The following SLFN12 variants were observed in gnomAD, a reference collection of about 807,000 sequenced individuals.
The protein encoded by SLFN12 is ribonuclease SLFN12.
SLFN12 carries 25 observed loss-of-function variants against 29.1 expected under a neutral mutation model. The ratio of observed to expected loss-of-function variants is 0.86; its 90% confidence interval spans 0.63 to 1.20. The LOEUF (loss-of-function observed/expected upper bound fraction) is 1.20. Ranked by LOEUF, SLFN12 falls within the 50% of genes most tolerant of loss-of-function variation. The pLI, the probability that SLFN12 is intolerant of heterozygous loss-of-function variation, is 0.00. For synonymous variants in SLFN12, 257 were observed against 238.7 expected (o/e 1.08, Z -0.71); for missense variants, 660 against 666.2 (o/e 0.99, Z 0.10).
intron 3 of SLFN12, among the ~76,000 whole-genome samples, chr17:35,412,608 C>T (rs185983867): frequency 2.2e-4 from 34 of 152,220 alleles, no homozygotes; most frequent in South Asian, 1.7e-3. Context: ...ATGGGTGGTA[C>T]TCTAACTACC....
At chr17:35,417,497 A>C (rs1048977523) in intron 3 of SLFN12, among the ~76,000 whole-genome samples, 3 of 152,066 alleles carry the variant, frequency 2.0e-5, no homozygotes, top group Admixed American at 6.6e-5. Context: ...TGCACAATGC[A>C]CAGGTTTGTT....
chr17:35,412,402 G>T (rs1362590148), intron 3 of SLFN12, among the ~76,000 whole-genome samples: 1 of 152,068 alleles, frequency 6.6e-6, no homozygotes, highest in Non-Finnish European at 1.5e-5. Flanking sequence ...GGAGACTAAA[G>T]AGCTGAATGT....
Position 35,420,331 on chromosome 17 carries a change from G to A in SLFN12, c.1090C>T (p.Pro364Ser). The change falls in exon 3 of 4, where the codon CCT (proline) becomes TCT (serine). Residue 364 changes from proline to serine, a missense_variant. Transcript: ENST00000304905. Reference protein sequence around the residue: ...EVISQINTSLPAPHSWPLLEW... With the variant: ...EVISQINTSLSAPHSWPLLEW... ...AAAAGAGGCCAACTGTGGGGAGCAG[G>A]TAATGACGTATTTATTTGAGAGATC... The A allele has an allele frequency of 6.2e-7, 1 of 1,613,842 alleles. No individual in the cohort carries two copies. Among genetic ancestry groups the A allele is most frequent in the Non-Finnish European group, 8.5e-7 (1 of 1,179,862 alleles).
chr17:35,425,044 T>C (rs1051595817), intron 1 of SLFN12, among the ~76,000 whole-genome samples: 8 of 151,936 alleles, frequency 5.3e-5, no homozygotes, highest in African/African-American at 9.7e-5. Context: ...TCCAAGCAGT[T>C]TGGGAGACTG....
At position 35,422,206 on chromosome 17, in the gene SLFN12, G is replaced by A. The variant is rs1477392722; in HGVS notation, c.823C>T (p.His275Tyr). 1 of 1,614,116 alleles carries A rather than the reference G, an allele frequency of 6.2e-7. No individual in the cohort carries two copies. The highest frequency in any genetic ancestry group is 1.6e-4 in the Middle Eastern group (1 of 6,062). Residue 275 changes from histidine to tyrosine, a missense_variant, in exon 2 of 4, where the codon CAC (histidine) becomes TAC (tyrosine). Physicochemically the swap from His to Tyr is moderately conservative, Grantham distance 83. Transcript: ENST00000304905. ...EKSIRKMPVH[H>Y]FCMEKKKINY... ...ATCTTCTTCTTCTCCATACAGAAGT[G>A]ATGCACAGGCATCTTCCTAATGGAC...
intron 3 of SLFN12, among the ~76,000 whole-genome samples, chr17:35,417,403 G>T (rs1911376255): frequency 6.6e-6 from 1 of 152,008 alleles, no homozygotes; most frequent in South Asian, 2.1e-4. Flanking sequence ...AACTTCCTTA[G>T]CCTGATAATG....
intron 1 of SLFN12, among the ~76,000 whole-genome samples, chr17:35,429,704 A>C (rs1912201339): frequency 6.6e-6 from 1 of 152,054 alleles, no homozygotes; most frequent in Admixed American, 6.5e-5. Context: ...CCTGGGAAAC[A>C]AAAATCATGC....
At position 35,420,083 on chromosome 17, in the gene SLFN12, T is replaced by C. The variant is rs191160447; in HGVS notation, c.1147+191A>G. On this transcript the variant is annotated intron_variant, in intron 3 of 3. Coordinates refer to ENST00000304905, the MANE Select transcript of SLFN12 (RefSeq NM_018042.5). ...TACTTTCAAGTAAACGAGTTTGTAT[T>C]GCACCAAGAAAATTCTAACCCAAAT... 1.5e-4 allele frequency among the ~76,000 whole-genome samples: 23 copies of C among 152,288 alleles called. No homozygotes were observed. In the East Asian group the frequency reaches 3.9e-3, roughly 26 times the overall value.
intron 1 of SLFN12, among the ~76,000 whole-genome samples, chr17:35,426,360 A>G (rs1022954252): frequency 6.6e-6 from 1 of 152,202 alleles, no homozygotes; most frequent in South Asian, 2.1e-4. Context: ...GACATCCAAA[A>G]CATCACTGCC....
chr17:35,411,630 G>A lies in SLFN12; in HGVS notation c.1445C>T (p.Ala482Val). Reference protein sequence around the residue: ...QTALTLKQKLAKIGGYTKKVC... With the variant: ...QTALTLKQKLVKIGGYTKKVC... Reference sequence around the variant, plus strand: ...TTTTTTAGTGTAACCACCAATTTTTGCCAGCTTCTGCTTTAAGGTTAGGGC... The same window carrying A: ...TTTTTTAGTGTAACCACCAATTTTTACCAGCTTCTGCTTTAAGGTTAGGGC... Residue 482 changes from alanine (A) to valine (V), a missense_variant, in exon 4 of 4, where the codon GCA (alanine) becomes GTA (valine). Ala to Val is a moderately conservative substitution (Grantham distance 64, BLOSUM62 0). Transcript: ENST00000304905. 6.2e-7 allele frequency: 1 copy of A among 1,613,974 alleles called. No individual in the cohort carries two copies. Among genetic ancestry groups the A allele is most frequent in the Non-Finnish European group, 8.5e-7 (1 of 1,179,986 alleles).
intron 2 of SLFN12, among the ~76,000 whole-genome samples, chr17:35,421,321 G>T (rs1324910178): frequency 6.6e-6 from 1 of 151,588 alleles, no homozygotes; most frequent in African/African-American, 2.4e-5. Context: ...CTGAAAGAAA[G>T]CAATGGTTAC....
In SLFN12 at chr17:35,411,182, T is replaced by C. The variant is rs901719375; in HGVS notation, c.*156A>G. On this transcript the variant is annotated 3_prime_UTR_variant, in exon 4 of 4. Transcript: ENST00000304905. ...ATCCCTCAAACAATATCTGTGAAGA[T>C]TATTTAGGGAGAAGTGAAAATAGAC... The C allele has an allele frequency of 7.2e-6, 4 of 557,576 alleles. No individual in the cohort carries two copies. The highest frequency in any genetic ancestry group is 9.3e-6 in the Non-Finnish European group (3 of 323,726). The allele number at this position is 557,576 out of a possible 1,614,324, so 34.5% of individuals were successfully genotyped here.
At chr17:35,427,000 C>T (rs1279667148) in intron 1 of SLFN12, among the ~76,000 whole-genome samples, 1 of 152,104 alleles carries the variant, frequency 6.6e-6, no homozygotes, top group East Asian at 1.9e-4. Flanking sequence ...CTTTCCTGAG[C>T]AGTGGCTGTC....
At chr17:35,430,529 C>G (rs145828178) in intron 1 of SLFN12, 1 of 152,180 alleles carries the variant, frequency 6.6e-6, no homozygotes, top group East Asian at 1.9e-4. Context: ...TCCTCATGGT[C>G]GCATATTTGT....
At position 35,411,577 on chromosome 17, in the gene SLFN12, A is replaced by G; in HGVS notation, c.1498T>C (p.Leu500=). The G allele has an allele frequency of 6.2e-7, 1 of 1,614,098 alleles. No individual in the cohort carries two copies. The highest frequency in any genetic ancestry group is 8.5e-7 in the Non-Finnish European group (1 of 1,180,000). Residue 500 remains leucine, a synonymous_variant, in exon 4 of 4, where the codon TTG becomes CTG. Coordinates refer to ENST00000304905, the MANE Select transcript of SLFN12 (RefSeq NM_018042.5). ...KVCVMTKIFY[L]SPEGMTSCQY... is the part of the protein sequence containing the mutation. ...CAGCTTGTCATGCCTTCAGGGCTCA[A>G]GTAGAAGATCTTTGTCATGACACAC...
chr17:35,411,598 C>G lies in SLFN12; in HGVS notation c.1477G>C (p.Val493Leu), dbSNP rs767348835. Residue 493 changes from valine to leucine, a missense_variant, in exon 4 of 4, where the codon GTC becomes CTC. By Grantham distance (32) the Val-to-Leu change is conservative. Transcript: ENST00000304905. ...KIGGYTKKVC[V>L]MTKIFYLSPE... ...CTCAAGTAGAAGATCTTTGTCATGA[C>G]ACACACTTTTTTAGTGTAACCACCA... is the stretch of plus-strand genomic sequence containing the variant. The G allele has an allele frequency of 5.6e-6, 9 of 1,614,068 alleles. No homozygotes were observed. Among genetic ancestry groups the G allele is most frequent in the Non-Finnish European group, 7.6e-6 (9 of 1,180,004 alleles).
In SLFN12 at chr17:35,422,755, C is replaced by T; in HGVS notation, c.274G>A (p.Glu92Lys). 6.2e-7 allele frequency: 1 copy of T among 1,614,010 alleles called. No homozygotes were observed. The highest frequency in any genetic ancestry group is 8.5e-7 in the Non-Finnish European group (1 of 1,179,916). ...SFSNILLFVP[E>K]YLDFMQNGNY... is the part of the protein sequence containing the mutation. ...CCATTCTGCATGAAGTCTAAGTACT[C>T]AGGAACAAATAACAGAATGTTACTA... The change falls in exon 2 of 4, where the codon GAG (glutamate) becomes AAG (lysine). Residue 92 changes from glutamate (E) to lysine (K), a missense_variant. By Grantham distance (56) the Glu-to-Lys change is moderately conservative. Coordinates refer to ENST00000304905, the MANE Select transcript of SLFN12 (RefSeq NM_018042.5).
chr17:35,423,294 T>C (rs1047572713), intron 1 of SLFN12, among the ~76,000 whole-genome samples: 6 of 152,176 alleles, frequency 3.9e-5, no homozygotes, highest in Non-Finnish European at 7.4e-5. Flanking sequence ...ATTCTAATTA[T>C]GTAATCTCTT....
At chr17:35,413,520 G>A (rs1231611265) in intron 3 of SLFN12, among the ~76,000 whole-genome samples, 1 of 152,048 alleles carries the variant, frequency 6.6e-6, no homozygotes, top group African/African-American at 2.4e-5. Flanking sequence ...GGCCAAGGCA[G>A]GTGGATCACC....
Sources: gnomAD v4.1 joint callset for allele counts (sites outside exome capture counted in the v4.1 genomes callset) on GRCh38, gnomAD v4.1.1 for gene constraint, MANE v1.5 for transcripts, NCBI Gene and HGNC (gene_info 2026-07-23, HGNC 2026-07-21) for gene names.